FAM3C: variants seen among roughly 807,000 people sequenced by gnomAD.
FAM3C encodes the protein FAM3 metabolism regulating signaling molecule C.
In FAM3C, 15 loss-of-function variants were observed where a neutral mutation model predicts 32.5. The observed-to-expected ratio is 0.46, with a 90% CI of 0.31 to 0.71. FAM3C has a LOEUF of 0.71. FAM3C is among the 30% of genes least tolerant of loss of function. The pLI is 0.05. For missense variants in FAM3C, 175 were observed against 274.4 expected (o/e 0.64, Z 2.56); for synonymous variants, 75 against 86.1 (o/e 0.87, Z 0.72).
At chr7:121,376,067 C>T (rs1794233599) in intron 3 of FAM3C, among the ~76,000 whole-genome samples, 1 of 152,156 alleles carries the variant, frequency 6.6e-6, no homozygotes, top group East Asian at 1.9e-4. Flanking sequence ...ATATGGTTTC[C>T]ACCCCATCAT....
At chr7:121,385,999 T>C (rs1268903134) in intron 1 of FAM3C, among the ~76,000 whole-genome samples, 1 of 152,086 alleles carries the variant, frequency 6.6e-6, no homozygotes, top group Non-Finnish European at 1.5e-5. Context: ...CTCCAGCTGT[T>C]CACTGACACA....
chr7:121,383,537 C>T (rs1412064076), intron 1 of FAM3C, among the ~76,000 whole-genome samples: 4 of 152,092 alleles, frequency 2.6e-5, no homozygotes, highest in Non-Finnish European at 5.9e-5. Context: ...ATACCAGGGA[C>T]CTCTTCATGT....
intron 1 of FAM3C, among the ~76,000 whole-genome samples, chr7:121,390,628 T>C (rs1438447719): frequency 6.6e-6 from 1 of 152,066 alleles, no homozygotes; most frequent in Non-Finnish European, 1.5e-5. Flanking sequence ...TTTGAACCTC[T>C]TACTACAGGG....
chr7:121,372,454 T>C (rs914611893), intron 3 of FAM3C, among the ~76,000 whole-genome samples: 1 of 152,212 alleles, frequency 6.6e-6, no homozygotes, highest in African/African-American at 2.4e-5. Flanking sequence ...TACCTTTCAA[T>C]GTTTATAAAT....
At chr7:121,381,061 C>T (rs1794341034) in intron 2 of FAM3C, among the ~76,000 whole-genome samples, 1 of 152,126 alleles carries the variant, frequency 6.6e-6, no homozygotes, top group South Asian at 2.1e-4. Flanking sequence ...TCTGGAACTT[C>T]TGTTACAGAG....
chr7:121,368,564 T>C (rs376794301), intron 5 of FAM3C, among the ~76,000 whole-genome samples: 2 of 152,158 alleles, frequency 1.3e-5, no homozygotes, highest in East Asian at 3.9e-4. Flanking sequence ...CTTCCTTAAT[T>C]ATTTTACACA....
intron 2 of FAM3C, among the ~76,000 whole-genome samples, chr7:121,380,733 T>TTA (rs66579763): frequency 0.12 from 16,158 of 133,788 alleles, 1,234 homozygotes; most frequent in Non-Finnish European, 0.16. Flanking sequence ...TACAAACATT[T>TTA]TATATATATA....
intron 8 of FAM3C, among the ~76,000 whole-genome samples, chr7:121,353,266 G>C (rs779695717): frequency 6.6e-6 from 1 of 152,206 alleles, no homozygotes; most frequent in Admixed American, 6.5e-5. Flanking sequence ...TTGAAGGGCA[G>C]TCAGGCATTC....
In FAM3C at chr7:121,350,470, C is replaced by T; in HGVS notation, c.675G>A (p.Lys225=). The change falls in exon 10 of 10, where the codon AAG becomes AAA. Residue 225 remains lysine (K), a synonymous_variant. Transcript: ENST00000359943. ...TCTCTCCACATTTCCATTAGTCTTGCTTCTGGGGGATGCATCCTTCCATTT... is the reference window on the plus strand; with the variant it reads ...TCTCTCCACATTTCCATTAGTCTTGTTTCTGGGGGATGCATCCTTCCATTT... ...VVEMEGCIPQ[K]QD 1.2e-6 allele frequency: 2 copies of T among 1,611,704 alleles called. No individual in the cohort carries two copies. Among genetic ancestry groups the T allele is most frequent in the Non-Finnish European group, 1.7e-6 (2 of 1,179,256 alleles).
At chr7:121,371,092 G>A (rs902237413) in intron 5 of FAM3C, among the ~76,000 whole-genome samples, 1 of 152,138 alleles carries the variant, frequency 6.6e-6, no homozygotes, top group Non-Finnish European at 1.5e-5. Flanking sequence ...AGCCGAATAA[G>A]TGTTACGTTC....
At chr7:121,382,905 C>A in intron 2 of FAM3C, 52 bp downstream of exon 2, 2 of 1,373,936 alleles carry the variant, frequency 1.5e-6, no homozygotes, top group Non-Finnish European at 2.0e-6. Context: ...TATTCTTTAA[C>A]AAACAGGTTA....
intron 1 of FAM3C, among the ~76,000 whole-genome samples, chr7:121,384,204 T>C (rs1794419018): frequency 6.6e-6 from 1 of 152,160 alleles, no homozygotes; most frequent in African/African-American, 2.4e-5. Context: ...CTGAGTTGTG[T>C]GTCATTGATT....
intron 9 of FAM3C, 78 bp downstream of exon 9, chr7:121,351,065 A>G: frequency 7.5e-7 from 1 of 1,328,918 alleles, no homozygotes; most frequent in East Asian, 2.3e-5. Flanking sequence ...CTAATTTTCA[A>G]ATAGCTGGGA....
At chr7:121,369,061 C>T (rs1440180144) in intron 5 of FAM3C, among the ~76,000 whole-genome samples, 2 of 150,880 alleles carry the variant, frequency 1.3e-5, no homozygotes, top group East Asian at 3.9e-4. Flanking sequence ...CCCACTGCAA[C>T]CTCCATCTCC....
At chr7:121,350,923 T>C (rs1036696946) in intron 9 of FAM3C, among the ~76,000 whole-genome samples, 2 of 152,162 alleles carry the variant, frequency 1.3e-5, no homozygotes, top group Admixed American at 1.3e-4. Context: ...TTCCAATGCA[T>C]TGTCCTGTAG....
rs116109431 is a variant in FAM3C, at chr7:121,374,338, G to A, written c.119-2199C>T. ...TTTTAAAAATTCATAATCGACATTG[G>A]TAATTTCAACTACTAATTGTAGGCA... On this transcript the variant is annotated intron_variant, in intron 3 of 9. Coordinates refer to ENST00000359943, the MANE Select transcript of FAM3C (RefSeq NM_014888.3). Among the ~76,000 whole-genome samples, 813 of 152,254 alleles carry A rather than the reference G, an allele frequency of 5.3e-3. 6 individuals are homozygous for A. The highest frequency in any genetic ancestry group is 0.018 in the African/African-American group (765 of 41,554).
At chr7:121,367,684 T>C (rs1206074443) in intron 5 of FAM3C, among the ~76,000 whole-genome samples, 1 of 152,134 alleles carries the variant, frequency 6.6e-6, no homozygotes, top group Non-Finnish European at 1.5e-5. Flanking sequence ...GTTCTATGGG[T>C]GCTCTAACGA....
chr7:121,364,004 G>C, intron 6 of FAM3C, 126 bp downstream of exon 6: 3 of 658,602 alleles, frequency 4.6e-6, no homozygotes, highest in Non-Finnish European at 8.2e-6. Context: ...TGCAGGGCAG[G>C]GATGGGACAG....
At chr7:121,386,694 T>C (rs200302238) in intron 1 of FAM3C, among the ~76,000 whole-genome samples, 421 of 68,766 alleles carry the variant, frequency 6.1e-3, no homozygotes, top group African/African-American at 0.025. Flanking sequence ...CACGCACACA[T>C]ATATATATAT....
Sources: gnomAD v4.1 joint callset for allele counts (sites outside exome capture counted in the v4.1 genomes callset) on GRCh38, gnomAD v4.1.1 for gene constraint, MANE v1.5 for transcripts, NCBI Gene and HGNC (gene_info 2026-07-23, HGNC 2026-07-21) for gene names.